Variants in MSH6 observed in about 807,000 individuals in gnomAD.
MSH6 encodes mutS homolog 6.
In MSH6, 85 loss-of-function variants were observed where a neutral mutation model predicts 119.1. The ratio of observed to expected loss-of-function variants is 0.71; its 90% CI spans 0.60 to 0.85. The LOEUF (loss-of-function observed/expected upper bound fraction) is 0.85, where lower values mean the gene tolerates loss of function less well. Among genes scored for constraint, MSH6 ranks in the 40% least tolerant of loss-of-function variants. The pLI is 0.00. For missense variants in MSH6, 2,163 were observed against 1,655.3 expected, an observed-to-expected ratio of 1.31 and a Z score of -5.32; for synonymous variants, 830 against 586.9, an observed-to-expected ratio of 1.41 and a Z score of -5.99.
intron 1 of MSH6, chr2:47,789,430 G>T: frequency 2.1e-6 from 1 of 469,346 alleles, no homozygotes; most frequent in Non-Finnish European, 4.4e-6. Flanking sequence ...TAGTGAGGAT[G>T]CACATTTATC....
At position 47,803,534 on chromosome 2, in the gene MSH6, A is replaced by G. The variant is rs760861610; in HGVS notation, c.3287A>G (p.His1096Arg). 2 of 1,614,134 alleles carry G rather than the reference A, an allele frequency of 1.2e-6. No homozygotes were observed. The highest frequency in any genetic ancestry group is 3.3e-5 in the Admixed American group (2 of 60,018). ...TTCTTAGAGCTTAAAGGATCACGCC[A>G]TCCTTGCATTACGAAGACTTTTTTT... ...PPFLELKGSR[H>R]PCITKTFFGD... Residue 1096 changes from histidine (H) to arginine (R), a missense_variant, in exon 5 of 10, where the codon CAT becomes CGT. His to Arg is a conservative substitution (Grantham distance 29). Coordinates refer to ENST00000234420, the MANE Select transcript of MSH6 (RefSeq NM_000179.3).
At chr2:47,785,369 G>T (rs533295122) in intron 1 of MSH6, among the ~76,000 whole-genome samples, 56 of 151,882 alleles carry the variant, frequency 3.7e-4, no homozygotes, top group East Asian at 9.7e-4. Flanking sequence ...CTGGGATTAC[G>T]GGTGTGCCCA....
intron 5 of MSH6, 60 bp from the exon 6 acceptor site, chr2:47,804,850 C>G: frequency 7.5e-7 from 1 of 1,331,408 alleles, no homozygotes. Flanking sequence ...ATAAGAAAGA[C>G]AAAAGTTTAT....
Position 47,806,844 on chromosome 2 carries a change from T to C in MSH6, c.4067T>C (p.Leu1356Ser), listed in dbSNP as rs1289627423. 6.2e-7 allele frequency: 1 copy of C among 1,612,088 alleles called. No individual in the cohort carries two copies. Among genetic ancestry groups the C allele is most frequent in the South Asian group, 1.1e-5 (1 of 90,896 alleles). ...DAEAVHKLLT[L>S]IKEL ...GAAGCTGTCCATAAATTGCTGACTT[T>C]GATTAAGGAATTATAGACTGACTAC... The change falls in exon 10 of 10, where the codon TTG becomes TCG. Residue 1356 changes from leucine to serine, a missense_variant. Transcript: ENST00000234420.
downstream of MSH6, chr2:47,809,252 T>A: frequency 6.3e-7 from 1 of 1,585,244 alleles, no homozygotes; most frequent in Non-Finnish European, 8.6e-7. Flanking sequence ...TCTTGATTGT[T>A]CATTATTTTG....
Position 47,800,258 on chromosome 2 carries a change from C to T in MSH6, c.2275C>T (p.Leu759=), listed in dbSNP as rs1669442548. Reference sequence around the variant, plus strand: ...AAATGGTTCTACTGAAGGAACCCTACTAGAGAGGGTTGATACTTGCCATAC... The same window carrying T: ...AAATGGTTCTACTGAAGGAACCCTATTAGAGAGGGTTGATACTTGCCATAC... ...GTNGSTEGTL[L]ERVDTCHTPF... Residue 759 remains leucine, a synonymous_variant, in exon 4 of 10, where the codon CTA becomes TTA. Transcript: ENST00000234420. 2 of 1,613,990 alleles carry T rather than the reference C, an allele frequency of 1.2e-6. No homozygotes were observed. The highest frequency in any genetic ancestry group is 2.2e-5 in the South Asian group (2 of 91,074).
At chr2:47,788,902 TCTTC>T (rs1223498880) in intron 1 of MSH6, among the ~76,000 whole-genome samples, 5 of 80,508 alleles carry the variant, frequency 6.2e-5, no homozygotes, top group African/African-American at 2.3e-4. Context: ...CTTTCTTTCT[TCTTC>T]CTTTTTTTTT....
intron 3 of MSH6, chr2:47,798,105 C>G (rs1572719025): frequency 5.4e-6 from 1 of 185,900 alleles, no homozygotes; most frequent in Admixed American, 5.3e-5. Flanking sequence ...TTTTTTTCCA[C>G]CACGTTTGCA....
At chr2:47,790,122 G>T (rs1220974074) in intron 1 of MSH6, among the ~76,000 whole-genome samples, 1 of 151,974 alleles carries the variant, frequency 6.6e-6, no homozygotes, top group Non-Finnish European at 1.5e-5. Flanking sequence ...TAACTTGTAT[G>T]TTAAAAATAC....
At position 47,799,411 on chromosome 2, in the gene MSH6, G is replaced by C; in HGVS notation, c.1428G>C (p.Lys476Asn). Residue 476 changes from lysine (K) to asparagine (N), a missense_variant, in exon 4 of 10, where the codon AAG becomes AAC. Lys to Asn is a moderately conservative substitution (Grantham distance 94, BLOSUM62 0). Transcript: ENST00000234420. ...FGRYSDSLVQ[K>N]GYKVARVEQT... ...GTTATTCAGATTCCCTGGTGCAGAA[G>C]GGCTATAAAGTAGCACGAGTGGAAC... 6.2e-7 allele frequency: 1 copy of C among 1,614,098 alleles called. No homozygotes were observed. The highest frequency in any genetic ancestry group is 1.1e-5 in the South Asian group (1 of 91,074).
chr2:47,783,785 G>T, intron 1 of MSH6: 1 of 524,050 alleles, frequency 1.9e-6, no homozygotes, highest in African/African-American at 2.0e-5. Flanking sequence ...CCAGGTGGGG[G>T]TGCTGGGCTA....
intron 9 of MSH6, 26 bp downstream of exon 9, chr2:47,806,677 ATAAC>A (rs267608136): frequency 3.1e-6 from 5 of 1,597,002 alleles, no homozygotes; most frequent in South Asian, 1.1e-5. Flanking sequence ...TAATGGAATT[ATAAC>A]TAACTGACCT....
At chr2:47,804,474 G>T (rs948883098) in intron 5 of MSH6, among the ~76,000 whole-genome samples, 1 of 151,636 alleles carries the variant, frequency 6.6e-6, no homozygotes, top group Non-Finnish European at 1.5e-5. Flanking sequence ...AGTATAGTGT[G>T]TATAGTGATT....
downstream of MSH6, chr2:47,808,616 C>G (rs1170067186): frequency 8.0e-6 from 4 of 501,720 alleles, no homozygotes; most frequent in African/African-American, 7.8e-5. Flanking sequence ...TCTGTGTCTT[C>G]GGAGGGAAGA....
chr2:47,794,170 GTC>G (rs1181189035), intron 2 of MSH6, among the ~76,000 whole-genome samples: 8 of 151,756 alleles, frequency 5.3e-5, no homozygotes, highest in African/African-American at 1.9e-4. Context: ...GTGAAACCCT[GTC>G]TCTACTAAAA....
rs776080024 is a variant in MSH6, at chr2:47,798,978, A to C, written c.995A>C (p.Glu332Ala). Residue 332 changes from glutamate (E) to alanine (A), a missense_variant, in exon 4 of 10, where the codon GAA (glutamate) becomes GCA (alanine). Coordinates refer to ENST00000234420, the MANE Select transcript of MSH6 (RefSeq NM_000179.3). ...ATKQATSISS[E>A]TKNTLRAFSA... ...AAACAAGCAACTAGCATTTCATCAGAAACCAAGAATACTTTGAGAGCTTTC... is the reference window on the plus strand; with the variant it reads ...AAACAAGCAACTAGCATTTCATCAGCAACCAAGAATACTTTGAGAGCTTTC... 6.2e-7 allele frequency: 1 copy of C among 1,614,248 alleles called. No homozygotes were observed. Among genetic ancestry groups the C allele is most frequent in the Non-Finnish European group, 8.5e-7 (1 of 1,180,038 alleles).
chr2:47,801,453 G>A (rs565134529), intron 4 of MSH6: 114 of 307,980 alleles, frequency 3.7e-4, no homozygotes, highest in Non-Finnish European at 5.1e-4. Context: ...CTGCAGCCTC[G>A]ACCTCCCAGG....
intron 9 of MSH6, 26 bp from the exon 10 acceptor site, chr2:47,806,753 T>TTTTTTTTTTTTTTTTAAAAC (rs1558395312): frequency 6.1e-6 from 3 of 492,244 alleles, no homozygotes; most frequent in Non-Finnish European, 5.6e-6. Flanking sequence ...CAAAAAAACT[T>TTTTTTTTTTTTTTTTAAAAC]TTTTTTTTTT....
intron 4 of MSH6, among the ~76,000 whole-genome samples, chr2:47,803,047 G>A (rs1194611566): frequency 6.6e-6 from 1 of 152,128 alleles, no homozygotes; most frequent in Non-Finnish European, 1.5e-5. Context: ...GCGTAGCTGG[G>A]ATTACAGGCA....
Sources: gnomAD v4.1 joint callset for allele counts (sites outside exome capture counted in the v4.1 genomes callset) on GRCh38, gnomAD v4.1.1 for gene constraint, MANE v1.5 for transcripts, NCBI Gene and HGNC (gene_info 2026-07-23, HGNC 2026-07-21) for gene names.